The following CHM variants were observed in gnomAD, a reference collection of about 807,000 sequenced individuals.
CHM encodes CHM Rab escort protein, also known as rab proteins geranylgeranyltransferase component A 1.
Under a neutral mutation model 49.0 loss-of-function variants are expected in CHM, and 10 were observed. The observed-to-expected ratio is 0.20, with a 90% CI of 0.13 to 0.35. The LOEUF (loss-of-function observed/expected upper bound fraction) is 0.35, where lower values mean the gene tolerates loss of function less well. Ranked by LOEUF, CHM falls within the 10% of genes least tolerant of loss-of-function variation. CHM has a pLI of 1.00. For synonymous variants in CHM, 184 were observed against 167.5 expected (o/e 1.10, Z -0.76); for missense variants, 455 against 478.4 (o/e 0.95, Z 0.46).
intron 11 of CHM, 129 bp from the exon 12 acceptor site, chrX:85,894,413 G>A (rs866811290): frequency 1.1e-5 from 5 of 466,001 alleles, no homozygotes; most frequent in African/African-American, 4.8e-5. Flanking sequence ...AATATGGCTT[G>A]TAAGGATTTA....
chrX:85,936,394 C>T (rs926507607), intron 8 of CHM, among the ~76,000 whole-genome samples: 2 of 111,693 alleles, frequency 1.8e-5, no homozygotes, highest in African/African-American at 3.3e-5. Context: ...TTATCACATA[C>T]AAGTCTCAAA....
intron 1 of CHM, among the ~76,000 whole-genome samples, chrX:86,045,124 AG>A (rs974305786): frequency 8.9e-6 from 1 of 112,095 alleles, no homozygotes; most frequent in African/African-American, 3.2e-5. Flanking sequence ...TCTGCTAAAA[AG>A]TATATCTAAT....
intron 8 of CHM, among the ~76,000 whole-genome samples, chrX:85,923,749 C>A (rs1272810741): frequency 9.0e-6 from 1 of 110,706 alleles, no homozygotes; most frequent in African/African-American, 3.3e-5. Flanking sequence ...GATAATAAAA[C>A]AGGATAAGGT....
chrX:85,980,378 C>A (rs1931526210), intron 3 of CHM, among the ~76,000 whole-genome samples: 1 of 112,227 alleles, frequency 8.9e-6, no homozygotes, highest in Non-Finnish European at 1.9e-5. Flanking sequence ...ATATGAAATG[C>A]TACTTTACAA....
At chrX:86,004,848 G>C (rs1459402358) in intron 2 of CHM, among the ~76,000 whole-genome samples, 1 of 111,706 alleles carries the variant, frequency 9.0e-6, no homozygotes, top group Non-Finnish European at 1.9e-5. Context: ...ACATTAGACA[G>C]ATCAACGAGA....
intron 1 of CHM, among the ~76,000 whole-genome samples, chrX:86,031,883 C>T (rs1408213079): frequency 1.8e-5 from 2 of 112,062 alleles, no homozygotes; most frequent in Non-Finnish European, 3.8e-5. Flanking sequence ...ATACTTAAAA[C>T]TTTTTGGTCT....
In CHM at chrX:85,899,244, A is replaced by G. The variant is rs138426594; in HGVS notation, c.1413+1402T>C. Reference sequence around the variant, plus strand: ...ATCAGAGGCATAATGACATTCCTCTATGGAACTGGGGGTAAGGAGAAAGAA... The same window carrying G: ...ATCAGAGGCATAATGACATTCCTCTGTGGAACTGGGGGTAAGGAGAAAGAA... On this transcript the variant is annotated intron_variant, in intron 11 of 14. Coordinates refer to ENST00000357749, the MANE Select transcript of CHM (RefSeq NM_000390.4). 9.4e-3 allele frequency among the ~76,000 whole-genome samples: 1,042 copies of G among 111,371 alleles called. 16 individuals carry two copies. Among genetic ancestry groups the G allele is most frequent in the African/African-American group, 0.033 (1,004 of 30,628 alleles).
At chrX:85,998,447 CCTTGA>C (rs766516021) in intron 2 of CHM, among the ~76,000 whole-genome samples, 3 of 111,521 alleles carry the variant, frequency 2.7e-5, no homozygotes, top group Non-Finnish European at 5.6e-5. Context: ...TACAGATGTG[CCTTGA>C]CTTATGATAT....
intron 8 of CHM, among the ~76,000 whole-genome samples, chrX:85,924,291 G>C (rs755171568): frequency 8.1e-5 from 9 of 111,282 alleles, no homozygotes; most frequent in Non-Finnish European, 1.5e-4. Flanking sequence ...TGAAGAAGTG[G>C]AGAGGCTGGG....
chrX:85,950,389 A>C (rs1397395235), intron 8 of CHM, among the ~76,000 whole-genome samples: 2 of 110,858 alleles, frequency 1.8e-5, no homozygotes, highest in East Asian at 5.7e-4. Flanking sequence ...ATGACAGAGA[A>C]GATGGTGAGT....
chrX:85,952,190 C>T (rs1272965182), intron 8 of CHM, among the ~76,000 whole-genome samples: 1 of 111,226 alleles, frequency 9.0e-6, no homozygotes, highest in East Asian at 2.8e-4. Flanking sequence ...GGGCTTAGAG[C>T]CCATGGACTA....
rs1443532491 is a variant in CHM, at chrX:85,864,683, C to A, written c.1909G>T (p.Glu637Ter). Residue 637 changes from glutamate to a stop codon, truncating the protein, a stop_gained, in exon 15 of 15, where the codon GAG becomes TAG. Transcript: ENST00000357749. LOFTEE classifies it high-confidence loss of function. The part of the protein sequence containing the change: ...ESSAIPEANS[E>*]TFKESTNLGN... ...AGGTTTGTGCTTTCCTTGAAAGTCT[C>A]CGAGTTAGCCTCTGGTATGGCACTG... 8.3e-7 allele frequency: 1 copy of A among 1,207,947 alleles called. No individual in the cohort carries two copies. Among genetic ancestry groups the A allele is most frequent in the African/African-American group, 1.8e-5 (1 of 56,984 alleles).
chrX:85,917,733 T>TA lies in CHM; in HGVS notation c.1167-6396dup, dbSNP rs545674161. Among the ~76,000 whole-genome samples the TA allele has an allele frequency of 6.8e-3, 619 of 91,221 alleles. 5 individuals carry two copies. The highest frequency in any genetic ancestry group is 0.021 in the Middle Eastern group (4 of 190). The allele number at this position is 91,221 out of a possible 115,157, so 79.2% of individuals were successfully genotyped here. ...AAGAACCAAACAGAACTTCTGGAAA[T>TA]AAAAAAAAATCACTACAGGAATTTC... is the stretch of plus-strand genomic sequence containing the variant. On this transcript the variant is annotated intron_variant, in intron 8 of 14. Transcript: ENST00000357749.
rs2147667643 is a variant in CHM, at chrX:85,958,972, C to T, written c.708G>A (p.Leu236=). Residue 236 remains leucine, a synonymous_variant, in exon 6 of 15, where the codon CTG becomes CTA. Transcript: ENST00000357749. ...GATCAATTAGTAATCCTCGAGAATA[C>T]AGCAGCTGTACAAAGAAAATATTTT... The part of the protein sequence containing the change: ...RFNIDLVSKL[L]YSRGLLIDLL... The T allele has an allele frequency of 1.7e-6, 2 of 1,209,955 alleles. No individual in the cohort carries two copies. The highest frequency in any genetic ancestry group is 2.2e-6 in the Non-Finnish European group (2 of 894,483).
intron 1 of CHM, among the ~76,000 whole-genome samples, chrX:86,044,549 G>A (rs1273342805): frequency 8.9e-6 from 1 of 111,992 alleles, no homozygotes; most frequent in East Asian, 2.8e-4. Flanking sequence ...CTTCTGTTGA[G>A]TTCTTGGCTC....
At chrX:86,009,781 T>C (rs968447508) in intron 2 of CHM, among the ~76,000 whole-genome samples, 3 of 111,296 alleles carry the variant, frequency 2.7e-5, no homozygotes, top group Non-Finnish European at 3.8e-5. Flanking sequence ...GTTGATTCTA[T>C]AGCAAGAGCA....
chrX:85,987,916 G>A (rs1173941419), intron 2 of CHM, among the ~76,000 whole-genome samples: 5 of 111,645 alleles, frequency 4.5e-5, no homozygotes, highest in Non-Finnish European at 9.4e-5. Flanking sequence ...ATTCACAGCC[G>A]AATTCTACCA....
At chrX:85,973,033 G>C (rs1931035708) in intron 4 of CHM, among the ~76,000 whole-genome samples, 1 of 110,769 alleles carries the variant, frequency 9.0e-6, no homozygotes, top group South Asian at 3.8e-4. Context: ...GGGCGCGGTG[G>C]CTCATGCCTG....
At chrX:85,917,941 C>T (rs773049929) in intron 8 of CHM, among the ~76,000 whole-genome samples, 4 of 111,434 alleles carry the variant, frequency 3.6e-5, no homozygotes, top group South Asian at 7.5e-4. Context: ...ATAACACATC[C>T]GCATTCCTGA....
Sources: gnomAD v4.1 joint callset for allele counts (sites outside exome capture counted in the v4.1 genomes callset) on GRCh38, gnomAD v4.1.1 for gene constraint, MANE v1.5 for transcripts, NCBI Gene and HGNC (gene_info 2026-07-23, HGNC 2026-07-21) for gene names.